The following MITF variants were observed in gnomAD, a reference collection of about 807,000 sequenced individuals.
The protein encoded by MITF is melanocyte inducing transcription factor, also known as microphthalmia-associated transcription factor.
MITF carries 17 observed loss-of-function variants against 60.5 expected under a neutral mutation model. That is an observed-to-expected ratio of 0.28 (90% CI 0.19 to 0.42). The LOEUF (loss-of-function observed/expected upper bound fraction) is 0.42. Among genes scored for constraint, MITF ranks in the 10% least tolerant of loss-of-function variants. The pLI is 1.00. For synonymous variants in MITF, 260 were observed against 248.5 expected (o/e 1.05, Z -0.43); for missense variants, 622 against 683.5 (o/e 0.91, Z 1.00).
In MITF at chr3:69,860,427, T is replaced by C. The variant is rs1435033712; in HGVS notation, c.105-18707T>C. Among the ~76,000 whole-genome samples, 9 of 152,060 alleles carry C rather than the reference T, an allele frequency of 5.9e-5. No individual in the cohort carries two copies. In the East Asian group the frequency reaches 1.7e-3, roughly 30 times the overall value. ...CGAGACCACGGTGAAACCCCCCGTG[T>C]CTACTAAAAATACAAAAAAAATTAG... On this transcript the variant is annotated intron_variant, in intron 1 of 9. Transcript: ENST00000352241.
Position 69,780,108 on chromosome 3 carries a change from C to T in MITF, c.104+40407C>T, listed in dbSNP as rs530194936. Among the ~76,000 whole-genome samples the T allele has an allele frequency of 3.3e-5, 5 of 152,190 alleles. No individual in the cohort carries two copies. The East Asian group carries it at 9.7e-4, about 29-fold the overall frequency. ...GAGGGTCAGCTGTGTGCCATGCAGT[C>T]TGGTAAGTACTATAGGGGTTAAAAG... On this transcript the variant is annotated intron_variant, in intron 1 of 9. Transcript: ENST00000352241.
intron 1 of MITF, among the ~76,000 whole-genome samples, chr3:69,838,879 T>G (rs1468487711): frequency 6.6e-6 from 1 of 152,162 alleles, no homozygotes; most frequent in African/African-American, 2.4e-5. Context: ...ATTGCAAAGG[T>G]CATGTGTAAG....
At chr3:69,853,395 A>G (rs1343484261) in intron 1 of MITF, among the ~76,000 whole-genome samples, 1 of 152,128 alleles carries the variant, frequency 6.6e-6, no homozygotes, top group East Asian at 1.9e-4. Context: ...TGCCGTATCC[A>G]TTTCTTTACT....
intron 2 of MITF, among the ~76,000 whole-genome samples, chr3:69,908,549 AT>A (rs2107376796): frequency 6.6e-6 from 1 of 152,322 alleles, no homozygotes; most frequent in South Asian, 2.1e-4. Flanking sequence ...TCATATGGAA[AT>A]AATAGTAAGT....
At chr3:69,754,306 T>A (rs1442094228) in intron 1 of MITF, among the ~76,000 whole-genome samples, 1 of 151,816 alleles carries the variant, frequency 6.6e-6, no homozygotes, top group East Asian at 1.9e-4. Context: ...AACCTCCACC[T>A]CCTGGGTTCA....
At chr3:69,810,505 G>A (rs2063083660) in intron 1 of MITF, among the ~76,000 whole-genome samples, 1 of 152,050 alleles carries the variant, frequency 6.6e-6, no homozygotes, top group African/African-American at 2.4e-5. Flanking sequence ...ATAGAAGTAG[G>A]ATTTAAAATA....
At chr3:69,859,476 G>A (rs534253062) in intron 1 of MITF, among the ~76,000 whole-genome samples, 17 of 152,208 alleles carry the variant, frequency 1.1e-4, no homozygotes, top group African/African-American at 3.9e-4. Context: ...GACCAGAATG[G>A]ATTTAGATGG....
intron 2 of MITF, among the ~76,000 whole-genome samples, chr3:69,898,695 T>C (rs2064931627): frequency 6.6e-6 from 1 of 152,090 alleles, no homozygotes; most frequent in African/African-American, 2.4e-5. Context: ...GGTTTTGAAA[T>C]GGAAGGTTAT....
chr3:69,936,668 G>A, intron 2 of MITF: 4 of 1,611,280 alleles, frequency 2.5e-6, no homozygotes, highest in Admixed American at 1.7e-5. Flanking sequence ...ATAGAAAGTA[G>A]AGGGAGGGAT....
rs558793046 is a variant in MITF, at chr3:69,966,084, G to T, written c.*836G>T. The T allele has an allele frequency of 1.8e-3, 416 of 231,958 alleles. 1 individual carries two copies. The highest frequency in any genetic ancestry group is 2.7e-3 in the Non-Finnish European group (320 of 117,364). 14.4% of individuals were successfully genotyped at this position (231,958 alleles called of 1,614,324 possible). ...TTTACTTTTTTTTTATTTTATTTTT[G>T]CTTTTGATAAGAAAACCGAACTGGG... On this transcript the variant is annotated 3_prime_UTR_variant, in exon 10 of 10. Transcript: ENST00000352241.
intron 2 of MITF, among the ~76,000 whole-genome samples, chr3:69,927,303 C>T (rs1422660637): frequency 6.6e-6 from 1 of 151,962 alleles, no homozygotes; most frequent in Non-Finnish European, 1.5e-5. Flanking sequence ...CTCATTCATA[C>T]GTGGGAGTTG....
intron 9 of MITF, among the ~76,000 whole-genome samples, chr3:69,960,688 C>T (rs183993381): frequency 3.3e-5 from 5 of 152,294 alleles, no homozygotes; most frequent in Admixed American, 3.3e-4. Flanking sequence ...TTTTCCAGTG[C>T]AACTATTCAT....
At chr3:69,829,948 G>A (rs909249465) in intron 1 of MITF, among the ~76,000 whole-genome samples, 1 of 152,178 alleles carries the variant, frequency 6.6e-6, no homozygotes, top group Non-Finnish European at 1.5e-5. Flanking sequence ...AGAATTCACT[G>A]CCACGTATCA....
At chr3:69,850,283 T>A (rs1575816993) in intron 1 of MITF, among the ~76,000 whole-genome samples, 1 of 152,304 alleles carries the variant, frequency 6.6e-6, no homozygotes, top group African/African-American at 2.4e-5. Flanking sequence ...GAACATAGGA[T>A]CTAGATTCCA....
chr3:69,741,622 C>T (rs984381702), intron 1 of MITF, among the ~76,000 whole-genome samples: 2 of 152,014 alleles, frequency 1.3e-5, no homozygotes, highest in Admixed American at 6.6e-5. Flanking sequence ...TGGCTTCACA[C>T]GTTAATGCTA....
chr3:69,793,042 T>TCCCTCTG (rs1451122944), intron 1 of MITF, among the ~76,000 whole-genome samples: 1 of 123,362 alleles, frequency 8.1e-6, no homozygotes, highest in East Asian at 2.9e-4. Flanking sequence ...AAACAGGGTC[T>TCCCTCTG]CCCTCTGCCA....
intron 1 of MITF, among the ~76,000 whole-genome samples, chr3:69,800,306 A>G (rs1234492467): frequency 1.3e-5 from 2 of 152,196 alleles, no homozygotes; most frequent in Non-Finnish European, 2.9e-5. Context: ...TGGACAAGTA[A>G]TATTCCAGTG....
chr3:69,894,610 C>T lies in MITF; in HGVS notation c.354+15227C>T, dbSNP rs376828564. The stretch of plus-strand genomic sequence containing the variant: ...CTGAGAAAGGAGAATCCCTTGAACC[C>T]AGGAGGCAGAGGTTGCAGTGAGCCA... On this transcript the variant is annotated intron_variant, in intron 2 of 9. Transcript: ENST00000352241. Among the ~76,000 whole-genome samples, 3 of 151,018 alleles carry T rather than the reference C, an allele frequency of 2.0e-5. No homozygotes were observed. The East Asian group carries it at 5.9e-4, about 30-fold the overall frequency.
chr3:69,843,964 A>C (rs113271527), intron 1 of MITF, among the ~76,000 whole-genome samples: 2 of 151,578 alleles, frequency 1.3e-5, no homozygotes, highest in African/African-American at 2.4e-5. Flanking sequence ...TCATTGTTCA[A>C]CTCCCACTTA....
Sources: gnomAD v4.1 joint callset for allele counts (sites outside exome capture counted in the v4.1 genomes callset) on GRCh38, gnomAD v4.1.1 for gene constraint, MANE v1.5 for transcripts, NCBI Gene and HGNC (gene_info 2026-07-23, HGNC 2026-07-21) for gene names.